Variants in NPIPB2 observed in about 807,000 individuals in gnomAD.
NPIPB2 encodes nuclear pore complex-interacting protein family member B2.
In NPIPB2, 27 loss-of-function variants were observed where a neutral mutation model predicts 30.8. The ratio of observed to expected loss-of-function variants is 0.88; its 90% CI spans 0.65 to 1.21. The LOEUF is 1.21. Ranked by LOEUF, NPIPB2 falls within the 50% of genes most tolerant of loss-of-function variation. The pLI, the probability that NPIPB2 is intolerant of heterozygous loss-of-function variation, is 0.00. For missense variants in NPIPB2, 440 were observed against 446.2 expected, an observed-to-expected ratio of 0.99 and a Z score of 0.13; for synonymous variants, 147 against 162.0, an observed-to-expected ratio of 0.91 and a Z score of 0.70.
intron 2 of NPIPB2, among the ~76,000 whole-genome samples, chr16:11,937,132 C>T (rs1287356603): frequency 6.6e-6 from 1 of 152,038 alleles, no homozygotes; most frequent in Non-Finnish European, 1.5e-5. Flanking sequence ...TTTTCTTTTC[C>T]TGTTAAGCTG....
At chr16:11,975,140 C>CCTTTTCTTTTT (rs1362951446) in intron 1 of NPIPB2, among the ~76,000 whole-genome samples, 1 of 68,112 alleles carries the variant, frequency 1.5e-5, no homozygotes, top group Non-Finnish European at 2.6e-5. Context: ...CAATCCATCA[C>CCTTTTCTTTTT]CTTTTTTTTT....
At chr16:11,951,071 C>T (rs2055056999) in intron 1 of NPIPB2, among the ~76,000 whole-genome samples, 1 of 152,076 alleles carries the variant, frequency 6.6e-6, no homozygotes, top group Admixed American at 6.6e-5. Context: ...TTTGACATCT[C>T]TCTCACTATG....
In NPIPB2 at chr16:11,951,697, T is replaced by C. The variant is rs140130910; in HGVS notation, c.-583-9583A>G. Among the ~76,000 whole-genome samples, 1,375 of 145,042 alleles carry C rather than the reference T, an allele frequency of 9.5e-3. 17 individuals carry two copies. Among genetic ancestry groups the C allele is most frequent in the South Asian group, 0.026 (119 of 4,546 alleles). On this transcript the variant is annotated intron_variant, in intron 1 of 5. Transcript: ENST00000538896. The stretch of plus-strand genomic sequence containing the variant: ...CCCCCAAACAACAAAATTCAGAGTA[T>C]GTCAAAGGGAAAAGGTTTTTTATGG...
At chr16:11,934,272 A>T (rs929440697) in intron 2 of NPIPB2, among the ~76,000 whole-genome samples, 2 of 140,852 alleles carry the variant, frequency 1.4e-5, no homozygotes, top group African/African-American at 5.4e-5. Flanking sequence ...GAATGACATG[A>T]GGCTGGCACG....
chr16:11,967,018 A>G (rs1236751647), intron 1 of NPIPB2: 1 of 190,486 alleles, frequency 5.2e-6, no homozygotes, highest in South Asian at 9.0e-5. Flanking sequence ...TTATTTATTT[A>G]GAGATGGAGT....
chr16:11,969,465 C>A (rs533021063), intron 1 of NPIPB2, among the ~76,000 whole-genome samples: 1 of 152,116 alleles, frequency 6.6e-6, no homozygotes, highest in African/African-American at 2.4e-5. Flanking sequence ...CCATCTTCGC[C>A]AGACTGGTCT....
intron 1 of NPIPB2, among the ~76,000 whole-genome samples, chr16:11,962,711 T>G (rs1163551759): frequency 6.6e-6 from 1 of 152,112 alleles, no homozygotes; most frequent in Admixed American, 6.6e-5. Flanking sequence ...AGACTTACTT[T>G]TCATTGAAAA....
intron 4 of NPIPB2, among the ~76,000 whole-genome samples, chr16:11,933,122 G>C (rs1348310076): frequency 1.3e-5 from 2 of 151,834 alleles, no homozygotes; most frequent in African/African-American, 4.8e-5. Context: ...TTAGCTGGGC[G>C]TGGTGGTGGG....
chr16:11,938,573 T>G (rs1416079647), intron 1 of NPIPB2, among the ~76,000 whole-genome samples: 1 of 151,718 alleles, frequency 6.6e-6, no homozygotes, highest in Non-Finnish European at 1.5e-5. Context: ...TCAGGTAATC[T>G]GCCCGCCTCA....
intron 1 of NPIPB2, among the ~76,000 whole-genome samples, chr16:11,954,176 A>T (rs2055091230): frequency 6.6e-6 from 1 of 152,066 alleles, no homozygotes; most frequent in Non-Finnish European, 1.5e-5. Flanking sequence ...CTAAACGTGG[A>T]ATTGCTTGGT....
chr16:11,944,434 C>T (rs143582809), upstream of NPIPB2, among the ~76,000 whole-genome samples: 1,862 of 151,732 alleles, frequency 0.012, 38 homozygotes, highest in African/African-American at 0.043. Flanking sequence ...CCCAAAGTCC[C>T]GGGATTACAG....
At chr16:11,975,356 CCGGGA>C in intron 1 of NPIPB2, among the ~76,000 whole-genome samples, 1 of 148,736 alleles carries the variant, frequency 6.7e-6, no homozygotes. Context: ...ACCGTTTTAG[CCGGGA>C]TGGTCTCGAT....
chr16:11,976,550 G>GCGGGGTCT (rs1305597833), intron 1 of NPIPB2: 3 of 356,710 alleles, frequency 8.4e-6, no homozygotes, highest in African/African-American at 6.4e-5. Context: ...ACGCCTCCTC[G>GCGGGGTCT]CGGGGTCTCG....
At chr16:11,937,353 T>C (rs1429152606) in intron 2 of NPIPB2, among the ~76,000 whole-genome samples, 187 bp downstream of exon 2, 8 of 152,252 alleles carry the variant, frequency 5.3e-5, no homozygotes, top group African/African-American at 1.9e-4. Context: ...AAACAAACAC[T>C]GACCTATTTA....
chr16:11,933,887 C>A, exon 3 of NPIPB2: 1 of 1,560,218 alleles, frequency 6.4e-7, no homozygotes. Context: ...TACATCATGT[C>A]CATTTTCAGA....
intron 1 of NPIPB2, among the ~76,000 whole-genome samples, chr16:11,952,016 G>A (rs1322885841): frequency 2.6e-5 from 4 of 152,038 alleles, no homozygotes; most frequent in African/African-American, 7.2e-5. Flanking sequence ...AAAATTAGCC[G>A]GGCGTAGTGG....
upstream of NPIPB2, among the ~76,000 whole-genome samples, chr16:11,946,385 CAAAAAAAAAAAAAA>C (rs34318693): frequency 2.6e-4 from 18 of 70,114 alleles, no homozygotes; most frequent in South Asian, 1.1e-3. Context: ...AACTCTATCT[CAAAAAAAAAAAAAA>C]AAAAAAAAAG....
chr16:11,952,877 C>G lies in NPIPB2; in HGVS notation c.-583-10763G>C, dbSNP rs185857152. Among the ~76,000 whole-genome samples, 622 of 152,062 alleles carry G rather than the reference C, an allele frequency of 4.1e-3. 5 individuals are homozygous for G. Among genetic ancestry groups the G allele is most frequent in the Middle Eastern group, 0.017 (5 of 294 alleles). ...CACCGTGCCTGGCCCTTATCGCCAT[C>G]TTTCTTTGTTAGAACATAAAAATCT... On this transcript the variant is annotated intron_variant, in intron 1 of 5. Coordinates refer to the NPIPB2 transcript ENST00000538896.
chr16:11,953,063 T>C (rs976162742), intron 1 of NPIPB2, among the ~76,000 whole-genome samples: 3 of 152,156 alleles, frequency 2.0e-5, no homozygotes, highest in Non-Finnish European at 4.4e-5. Flanking sequence ...CCTGTTCAGG[T>C]CTCTGCTGAA....
Sources: gnomAD v4.1 joint callset for allele counts (sites outside exome capture counted in the v4.1 genomes callset) on GRCh38, gnomAD v4.1.1 for gene constraint, MANE v1.5 for transcripts, NCBI Gene and HGNC (gene_info 2026-07-23, HGNC 2026-07-21) for gene names.